NRG1: variants seen among roughly 807,000 people sequenced by gnomAD.
NRG1 encodes neuregulin 1, also known as pro-neuregulin-1, membrane-bound isoform.
A neutral mutation model predicts 63.8 loss-of-function variants in NRG1; 18 were observed. That is an observed-to-expected ratio of 0.28 (90% CI 0.19 to 0.42). The LOEUF (loss-of-function observed/expected upper bound fraction) is 0.42. Ranked by LOEUF, NRG1 falls within the 10% of genes least tolerant of loss-of-function variation. The pLI is 1.00. For missense variants in NRG1, 762 were observed against 814.7 expected, an observed-to-expected ratio of 0.94 and a Z score of 0.79; for synonymous variants, 302 against 301.3, an observed-to-expected ratio of 1.00 and a Z score of -0.02.
At chr8:31,976,947 C>A (rs746839580) in intron 1 of NRG1, among the ~76,000 whole-genome samples, 1 of 152,132 alleles carries the variant, frequency 6.6e-6, no homozygotes, top group African/African-American at 2.4e-5. Context: ...CATATTATTA[C>A]TTATGAAGAT....
intron 1 of NRG1, chr8:32,287,254 T>TA (rs1853643603): frequency 6.6e-6 from 1 of 151,930 alleles, no homozygotes; most frequent in Non-Finnish European, 1.5e-5. Flanking sequence ...CAATGACACT[T>TA]ATGCCACATG....
intron 1 of NRG1, among the ~76,000 whole-genome samples, chr8:31,831,574 G>C (rs1825167504): frequency 6.6e-6 from 1 of 152,176 alleles, no homozygotes; most frequent in Admixed American, 6.5e-5. Flanking sequence ...CATACCATGT[G>C]AAACCTGGCC....
intron 1 of NRG1, among the ~76,000 whole-genome samples, chr8:32,200,810 C>T (rs1586043029): frequency 6.6e-6 from 1 of 152,188 alleles, no homozygotes; most frequent in Non-Finnish European, 1.5e-5. Context: ...GCCCTTTGCA[C>T]TTGTGGTACA....
chr8:32,315,470 G>A lies in NRG1; in HGVS notation c.38-280358G>A, dbSNP rs111910866. Among the ~76,000 whole-genome samples the A allele has an allele frequency of 4.4e-3, 667 of 152,282 alleles. 3 individuals carry two copies. Among genetic ancestry groups the A allele is most frequent in the African/African-American group, 0.015 (633 of 41,570 alleles). ...ATATATGTACCACATTGTCTATCCAGTCTATCATTAATGGGCATTTGGGTT... is the reference window on the plus strand; with the variant it reads ...ATATATGTACCACATTGTCTATCCAATCTATCATTAATGGGCATTTGGGTT... On this transcript the variant is annotated intron_variant, in intron 1 of 10. Coordinates refer to the NRG1 transcript ENST00000519301.
intron 1 of NRG1, among the ~76,000 whole-genome samples, chr8:31,811,798 A>G (rs1822913989): frequency 6.6e-6 from 1 of 152,204 alleles, no homozygotes; most frequent in South Asian, 2.1e-4. Context: ...AAAGAGAGGT[A>G]TGAATATTCT....
intron 1 of NRG1, among the ~76,000 whole-genome samples, chr8:32,070,577 T>C (rs79935563): frequency 0.021 from 3,176 of 152,258 alleles, 40 homozygotes; most frequent in South Asian, 0.039. Flanking sequence ...TTATTTTCCT[T>C]TTCATAGCCA....
chr8:32,739,218 C>T (rs1237050119), intron 6 of NRG1, among the ~76,000 whole-genome samples: 1 of 152,122 alleles, frequency 6.6e-6, no homozygotes, highest in Non-Finnish European at 1.5e-5. Context: ...TTCAGGGCAC[C>T]TTACGTCTTG....
At chr8:32,419,645 T>G (rs994734648) in intron 1 of NRG1, among the ~76,000 whole-genome samples, 13 of 151,728 alleles carry the variant, frequency 8.6e-5, no homozygotes, top group African/African-American at 3.1e-4. Flanking sequence ...AAAACCATTC[T>G]TTTTTTGTTA....
chr8:32,633,939 C>T (rs555750881), intron 5 of NRG1, among the ~76,000 whole-genome samples: 56 of 151,524 alleles, frequency 3.7e-4, no homozygotes, highest in Non-Finnish European at 6.2e-4. Context: ...GCCAGGAGTT[C>T]GAGACTAGCC....
chr8:31,892,201 T>A (rs1831201725), intron 1 of NRG1, among the ~76,000 whole-genome samples: 1 of 152,134 alleles, frequency 6.6e-6, no homozygotes, highest in Non-Finnish European at 1.5e-5. Context: ...TAATGAAAAG[T>A]CTCATTTAAA....
intron 1 of NRG1, among the ~76,000 whole-genome samples, chr8:32,365,476 T>C (rs994326206): frequency 1.3e-5 from 2 of 152,184 alleles, no homozygotes; most frequent in African/African-American, 4.8e-5. Flanking sequence ...ACCTCTGAAA[T>C]AATGAATTCC....
intron 1 of NRG1, among the ~76,000 whole-genome samples, chr8:32,304,610 A>G (rs1400149402): frequency 1.3e-5 from 2 of 152,170 alleles, no homozygotes; most frequent in Non-Finnish European, 2.9e-5. Context: ...AATATAAAAT[A>G]TTTGGGCTGA....
intron 1 of NRG1, among the ~76,000 whole-genome samples, chr8:31,961,433 A>G (rs1810316464): frequency 6.6e-6 from 1 of 152,224 alleles, no homozygotes; most frequent in Admixed American, 6.5e-5. Flanking sequence ...AAATAGATCT[A>G]CTGAAACTAA....
intron 1 of NRG1, among the ~76,000 whole-genome samples, chr8:31,920,303 T>TA (rs5890604): frequency 1.7e-4 from 26 of 151,018 alleles, no homozygotes; most frequent in African/African-American, 3.6e-4. Context: ...TGCTTTAAAT[T>TA]AAAAAAAAAA....
chr8:31,703,378 G>T (rs1015737732), intron 1 of NRG1, among the ~76,000 whole-genome samples: 2 of 151,862 alleles, frequency 1.3e-5, no homozygotes, highest in African/African-American at 4.8e-5. Flanking sequence ...ACATGTCTCT[G>T]CCAAAACTTG....
intron 1 of NRG1, among the ~76,000 whole-genome samples, chr8:31,967,741 C>G: frequency 6.6e-6 from 1 of 152,290 alleles, no homozygotes; most frequent in East Asian, 1.9e-4. Flanking sequence ...CAAAAAACCA[C>G]CAGTCTGCAG....
In NRG1 at chr8:32,611,730, T is replaced by C. The variant is rs181343248; in HGVS notation, c.401-2784T>C. Among the ~76,000 whole-genome samples, 374 of 152,172 alleles carry C rather than the reference T, an allele frequency of 2.5e-3. 1 individual carries two copies. Among genetic ancestry groups the C allele is most frequent in the South Asian group, 3.9e-3 (19 of 4,832 alleles). On this transcript the variant is annotated intron_variant, in intron 3 of 11. Coordinates refer to ENST00000356819, the Ensembl canonical transcript of NRG1. ...TTTTAAAGAAATCACTTGATCAAAA[T>C]TTTTGTATGTACAGCAGTGACATAT...
intron 1 of NRG1, among the ~76,000 whole-genome samples, chr8:31,928,352 TAAA>T (rs77001238): frequency 0.019 from 1,518 of 80,130 alleles, 22 homozygotes; most frequent in African/African-American, 0.049. Context: ...ATGGATGTGG[TAAA>T]AAAAAAAAAA....
At chr8:32,182,908 G>A (rs73576632) in intron 1 of NRG1, among the ~76,000 whole-genome samples, 2,029 of 152,040 alleles carry the variant, frequency 0.013, 52 homozygotes, top group African/African-American at 0.046. Flanking sequence ...ATTTCAAAAC[G>A]TTTCATTTTT....
Sources: allele counts gnomAD v4.1 joint callset (sites outside exome capture counted in the v4.1 genomes callset), GRCh38; gene constraint gnomAD v4.1.1; transcripts MANE v1.5; gene names NCBI Gene and HGNC (gene_info 2026-07-23, HGNC 2026-07-21).